AK5: variants seen among roughly 807,000 people sequenced by gnomAD.
AK5 encodes adenylate kinase 5.
A neutral mutation model predicts 69.5 loss-of-function variants in AK5; 27 were observed. That is an observed-to-expected ratio of 0.39 (90% CI 0.29 to 0.54). The LOEUF (loss-of-function observed/expected upper bound fraction) is 0.54. AK5 is among the 20% of genes least tolerant of loss of function. The pLI is 0.71. For missense variants in AK5, 531 were observed against 700.4 expected (o/e 0.76, Z 2.73); for synonymous variants, 260 against 244.4 (o/e 1.06, Z -0.60).
At chr1:77,515,811 C>A (rs1251766893) in intron 10 of AK5, among the ~76,000 whole-genome samples, 4 of 152,006 alleles carry the variant, frequency 2.6e-5, no homozygotes, top group Non-Finnish European at 5.9e-5. Flanking sequence ...AGAAGTTTGG[C>A]AGGCTGAGGT....
chr1:77,423,829 G>GA (rs35473006), intron 8 of AK5, among the ~76,000 whole-genome samples: 36,671 of 149,252 alleles, frequency 0.25, 4,868 homozygotes, highest in East Asian at 0.38. Context: ...CGTGGGAGGA[G>GA]AAAAAAAAAA....
At chr1:77,283,186 C>T (rs150495672) in intron 1 of AK5, 1 of 985,560 alleles carries the variant, frequency 1.0e-6, no homozygotes, top group Non-Finnish European at 1.2e-6. Flanking sequence ...GAACCTTGGT[C>T]TGTTCTAAGC....
chr1:77,470,372 G>A (rs774271323), intron 8 of AK5, among the ~76,000 whole-genome samples: 26 of 152,122 alleles, frequency 1.7e-4, no homozygotes, highest in Non-Finnish European at 2.9e-4. Flanking sequence ...AGGCATGGTG[G>A]TGTGTGCCTG....
At chr1:77,338,751 A>G (rs745562939) in intron 5 of AK5, among the ~76,000 whole-genome samples, 2 of 152,250 alleles carry the variant, frequency 1.3e-5, no homozygotes, top group Non-Finnish European at 2.9e-5. Context: ...AAGGAGAACC[A>G]GGACCACATA....
At chr1:77,406,373 G>C (rs1400914280) in intron 6 of AK5, among the ~76,000 whole-genome samples, 1 of 152,114 alleles carries the variant, frequency 6.6e-6, no homozygotes, top group Non-Finnish European at 1.5e-5. Context: ...TCCATGAGTT[G>C]AGGAGATGGA....
intron 13 of AK5, among the ~76,000 whole-genome samples, chr1:77,549,828 C>T (rs1659732647): frequency 6.7e-6 from 1 of 149,080 alleles, no homozygotes; most frequent in East Asian, 2.0e-4. Flanking sequence ...ACCACATTTT[C>T]TTTTTTCTTT....
chr1:77,508,382 C>T (rs1349763113), intron 10 of AK5, among the ~76,000 whole-genome samples: 1 of 152,176 alleles, frequency 6.6e-6, no homozygotes, highest in Non-Finnish European at 1.5e-5. Flanking sequence ...CCAAACAACT[C>T]CCCAGCTTCA....
chr1:77,476,815 C>T (rs376345293), intron 8 of AK5, among the ~76,000 whole-genome samples: 2 of 151,722 alleles, frequency 1.3e-5, no homozygotes, highest in African/African-American at 4.9e-5. Context: ...TGAGATTGCA[C>T]ATGCTGAAAA....
chr1:77,462,850 T>C (rs1460571698), intron 8 of AK5, among the ~76,000 whole-genome samples: 1 of 152,234 alleles, frequency 6.6e-6, no homozygotes. Flanking sequence ...TACTGATAAC[T>C]TGAACCCTGC....
At chr1:77,324,599 C>A (rs559713258) in intron 5 of AK5, among the ~76,000 whole-genome samples, 1 of 152,158 alleles carries the variant, frequency 6.6e-6, no homozygotes, top group African/African-American at 2.4e-5. Context: ...TGGGGCCACA[C>A]CCCCCAGGAT....
At chr1:77,375,284 C>A (rs1235998043) in intron 6 of AK5, among the ~76,000 whole-genome samples, 2 of 152,160 alleles carry the variant, frequency 1.3e-5, no homozygotes, top group African/African-American at 4.8e-5. Context: ...TTTTATCTGG[C>A]ATGCCAAACT....
chr1:77,493,335 C>T (rs998778357), intron 10 of AK5, among the ~76,000 whole-genome samples: 6 of 151,782 alleles, frequency 4.0e-5, no homozygotes, highest in Non-Finnish European at 7.4e-5. Flanking sequence ...GCAGCCCCCC[C>T]CAGGTTCTCA....
chr1:77,306,484 G>GGTT lies in AK5; in HGVS notation c.699+8537_699+8538insGTT, dbSNP rs35597576. 2.9e-3 allele frequency among the ~76,000 whole-genome samples: 390 copies of GGTT among 134,328 alleles called. 4 individuals carry two copies. The highest frequency in any genetic ancestry group is 4.2e-3 in the Middle Eastern group (1 of 240). The allele number at this position is 134,328 out of a possible 152,430, so 88.1% of individuals were successfully genotyped here. A position where few individuals can be genotyped will look rare whatever the true frequency, so the allele number is the denominator to read the frequency against. On this transcript the variant is annotated intron_variant, in intron 5 of 13. Coordinates refer to ENST00000354567, the MANE Select transcript of AK5 (RefSeq NM_174858.3). ...TGCATTGTTGAATTCAATTTGCTAG[G>GGTT]TTTTTTTTTGTTTTTTTTTTTTTTT...
At chr1:77,332,329 T>C (rs1237721189) in intron 5 of AK5, among the ~76,000 whole-genome samples, 4 of 151,678 alleles carry the variant, frequency 2.6e-5, no homozygotes, top group Non-Finnish European at 5.9e-5. Flanking sequence ...GCTTATTTTA[T>C]ATTTTATTAC....
At chr1:77,391,440 C>T (rs1381510778) in intron 6 of AK5, among the ~76,000 whole-genome samples, 25 of 104,126 alleles carry the variant, frequency 2.4e-4, no homozygotes, top group Non-Finnish European at 2.9e-4. Context: ...TACATATATA[C>T]ATATATGTGT....
chr1:77,395,551 C>T (rs1159957754), intron 6 of AK5, among the ~76,000 whole-genome samples: 1 of 152,164 alleles, frequency 6.6e-6, no homozygotes, highest in East Asian at 1.9e-4. Flanking sequence ...TAAAGAGAAG[C>T]AGATGTGGCT....
At chr1:77,508,823 T>C (rs924952528) in intron 10 of AK5, among the ~76,000 whole-genome samples, 4 of 148,360 alleles carry the variant, frequency 2.7e-5, no homozygotes, top group African/African-American at 1.0e-4. Flanking sequence ...ACCAAGATCA[T>C]GCCATTGCAC....
intron 1 of AK5, among the ~76,000 whole-genome samples, chr1:77,285,276 A>C (rs1266406346): frequency 6.6e-6 from 1 of 152,204 alleles, no homozygotes; most frequent in Non-Finnish European, 1.5e-5. Context: ...AGAATGTGAG[A>C]AGCTCAACTG....
intron 7 of AK5, among the ~76,000 whole-genome samples, chr1:77,412,268 A>G (rs1164338012): frequency 1.3e-5 from 2 of 152,264 alleles, no homozygotes; most frequent in Non-Finnish European, 2.9e-5. Flanking sequence ...TTCTGTACCA[A>G]TAGGAAACCG....
Sources: gnomAD v4.1 joint callset for allele counts (sites outside exome capture counted in the v4.1 genomes callset) on GRCh38, gnomAD v4.1.1 for gene constraint, MANE v1.5 for transcripts, NCBI Gene and HGNC (gene_info 2026-07-23, HGNC 2026-07-21) for gene names.